LYZL4: variants seen among roughly 807,000 people sequenced by gnomAD.
LYZL4 encodes lysozyme like 4, also known as lysozyme-like protein 4.
Under a neutral mutation model 17.6 loss-of-function variants are expected in LYZL4, and 13 were observed. That is an observed-to-expected ratio of 0.74 (90% CI 0.48 to 1.18). The LOEUF (loss-of-function observed/expected upper bound fraction) is 1.18. Ranked by LOEUF, LYZL4 falls within the 50% of genes most tolerant of loss-of-function variation. The probability of loss-of-function intolerance (pLI) is 0.00; values close to 1 mark genes in which losing one functional copy is unlikely to be tolerated. For synonymous variants in LYZL4, 64 were observed against 67.7 expected (o/e 0.95, Z 0.27); for missense variants, 174 against 188.2 (o/e 0.92, Z 0.44).
At chr3:42,391,423 G>A in the LYZL4 span, among the ~76,000 whole-genome samples, 1 of 152,142 alleles carries the variant, frequency 6.6e-6, no homozygotes, top group Admixed American at 6.5e-5. Flanking sequence ...TCAAGGAGTA[G>A]TGACCAGAAA....
At chr3:42,368,690 G>C in the LYZL4 span, among the ~76,000 whole-genome samples, 6 of 151,934 alleles carry the variant, frequency 3.9e-5, no homozygotes. Context: ...ATATGTTTAA[G>C]ACTTTCAATA....
chr3:42,404,063 T>G lies in LYZL4; in HGVS notation c.354A>C (p.Lys118Asn). The G allele has an allele frequency of 6.2e-7, 1 of 1,611,120 alleles. No homozygotes were observed. The highest frequency in any genetic ancestry group is 8.5e-7 in the Non-Finnish European group (1 of 1,177,378). ...AGACTTACCATGCTCCCATCCCTTC[T>G]TTTCCTTTTACAATGGTCTTGGCAC... ...IKCAKTIVKGKEGMGAWPTWS... is the reference protein window; with the variant it reads ...IKCAKTIVKGNEGMGAWPTWS... Residue 118 changes from lysine to asparagine, a missense_variant, in exon 4 of 5, where the codon AAA becomes AAC. Transcript: ENST00000287748.
intron 4 of LYZL4, among the ~76,000 whole-genome samples, chr3:42,403,375 T>C (rs1258951265): frequency 6.6e-6 from 1 of 152,120 alleles, no homozygotes; most frequent in Non-Finnish European, 1.5e-5. Flanking sequence ...TTCTCCTGTC[T>C]CAGCCTCCCG....
the LYZL4 span, among the ~76,000 whole-genome samples, chr3:42,386,405 C>G: frequency 2.0e-4 from 24 of 117,160 alleles, no homozygotes; most frequent in East Asian, 5.1e-4. Context: ...GCCCCCCCCC[C>G]CCCCCCCGCC....
At chr3:42,394,045 G>A (rs1334542230), downstream of LYZL4, among the ~76,000 whole-genome samples, 1 of 152,148 alleles carries the variant, frequency 6.6e-6, no homozygotes, top group African/African-American at 2.4e-5. Flanking sequence ...CGCTCACCTC[G>A]GCCTCCCAGA....
At chr3:42,378,524 C>T in the LYZL4 span, among the ~76,000 whole-genome samples, 3 of 152,196 alleles carry the variant, frequency 2.0e-5, no homozygotes, top group African/African-American at 7.2e-5. Context: ...CCCAAGTCTC[C>T]ACCACTGAAC....
rs575475101 is a variant in LYZL4, at chr3:42,406,740, C to A, written c.292+106G>T. On this transcript the variant is annotated intron_variant, in intron 3 of 4. Coordinates refer to ENST00000287748, the MANE Select transcript of LYZL4 (RefSeq NM_144634.4). Reference sequence around the variant, plus strand: ...ACCCTGGATATGGCTCCTGCCACACCCTCTTCTTTGTAAAACTTTGTAAAC... The same window carrying A: ...ACCCTGGATATGGCTCCTGCCACACACTCTTCTTTGTAAAACTTTGTAAAC... 3,212 of 1,419,608 alleles carry A rather than the reference C, an allele frequency of 2.3e-3. 4 individuals are homozygous for A. Among genetic ancestry groups the A allele is most frequent in the Non-Finnish European group, 2.8e-3 (2,917 of 1,036,912 alleles). The allele number at this position is 1,419,608 out of a possible 1,614,324, so 87.9% of individuals were successfully genotyped here. A position where few individuals can be genotyped will look rare whatever the true frequency, so the allele number is the denominator to read the frequency against.
At chr3:42,368,145 CA>C in the LYZL4 span, among the ~76,000 whole-genome samples, 1 of 152,216 alleles carries the variant, frequency 6.6e-6, no homozygotes, top group African/African-American at 2.4e-5. Flanking sequence ...CCATTAGGAC[CA>C]TTTTGGTTTA....
the LYZL4 span, among the ~76,000 whole-genome samples, chr3:42,390,433 C>T: frequency 6.6e-6 from 1 of 152,160 alleles, no homozygotes; most frequent in African/African-American, 2.4e-5. Flanking sequence ...CTGGCCTGCC[C>T]AACCTACCAA....
chr3:42,372,368 G>A, the LYZL4 span, among the ~76,000 whole-genome samples: 2 of 152,218 alleles, frequency 1.3e-5, no homozygotes, highest in Admixed American at 1.3e-4. Context: ...TATAGTGATG[G>A]TTAGTGAATA....
rs968584666 is a variant in LYZL4 at position 42,397,123 on chromosome 3, G to A, written c.*142C>T. 2.2e-5 allele frequency: 14 copies of A among 625,232 alleles called. No homozygotes were observed. The highest frequency in any genetic ancestry group is 3.7e-5 in the African/African-American group (2 of 54,778). The allele number at this position is 625,232 out of a possible 1,614,324, so 38.7% of individuals were successfully genotyped here. The stretch of plus-strand genomic sequence containing the variant: ...GGTTTATTCTGCATCCTGCATCCCC[G>A]GATGAAGCAAACTTTTGTCTTTTTC... On this transcript the variant is annotated 3_prime_UTR_variant, in exon 5 of 5. Transcript: ENST00000287748.
At chr3:42,406,410 C>T (rs568239639) in intron 3 of LYZL4, among the ~76,000 whole-genome samples, 2 of 145,266 alleles carry the variant, frequency 1.4e-5, no homozygotes, top group African/African-American at 2.6e-5. Flanking sequence ...GCCGAGATCG[C>T]GCCACTGCAC....
chr3:42,380,064 C>G, the LYZL4 span, among the ~76,000 whole-genome samples: 1 of 152,212 alleles, frequency 6.6e-6, no homozygotes, highest in Non-Finnish European at 1.5e-5. Flanking sequence ...GAAGTGGGCC[C>G]TCATCGGACA....
At chr3:42,362,176 C>T in the LYZL4 span, among the ~76,000 whole-genome samples, 10,783 of 152,078 alleles carry the variant, frequency 0.071, 1,292 homozygotes, top group African/African-American at 0.25. Context: ...TTGAAGATAA[C>T]GAATATACCA....
the LYZL4 span, among the ~76,000 whole-genome samples, chr3:42,373,132 A>G: frequency 6.6e-6 from 1 of 151,886 alleles, no homozygotes; most frequent in Non-Finnish European, 1.5e-5. Flanking sequence ...AATTGCTTGA[A>G]CCCTGGAGGC....
At chr3:42,382,353 A>G in the LYZL4 span, among the ~76,000 whole-genome samples, 1 of 152,198 alleles carries the variant, frequency 6.6e-6, no homozygotes, top group Non-Finnish European at 1.5e-5. Context: ...CTTGACAGAT[A>G]GTCTTTGCTC....
At chr3:42,375,512 G>T in the LYZL4 span, among the ~76,000 whole-genome samples, 1 of 152,130 alleles carries the variant, frequency 6.6e-6, no homozygotes, top group East Asian at 1.9e-4. Context: ...CTTTCATCTT[G>T]TCTACATAAT....
intron 4 of LYZL4, among the ~76,000 whole-genome samples, chr3:42,399,116 A>G (rs1698608761): frequency 6.6e-6 from 1 of 152,348 alleles, no homozygotes; most frequent in Admixed American, 6.5e-5. Context: ...TAATTTCAAC[A>G]TGCAAAGCAA....
At chr3:42,380,872 T>C in the LYZL4 span, among the ~76,000 whole-genome samples, 1 of 152,246 alleles carries the variant, frequency 6.6e-6, no homozygotes, top group East Asian at 1.9e-4. Flanking sequence ...ATGGTTGATG[T>C]CTACCCCTGC....
Sources: gnomAD v4.1 joint callset for allele counts (sites outside exome capture counted in the v4.1 genomes callset) on GRCh38, gnomAD v4.1.1 for gene constraint, MANE v1.5 for transcripts, NCBI Gene and HGNC (gene_info 2026-07-23, HGNC 2026-07-21) for gene names.